The following UBAP2 variants were observed in gnomAD, a reference collection of about 807,000 sequenced individuals.
The protein encoded by UBAP2 is ubiquitin associated protein 2.
A neutral mutation model predicts 139.6 loss-of-function variants in UBAP2; 75 were observed. That is an observed-to-expected ratio of 0.54 (90% CI 0.45 to 0.65). The LOEUF is 0.65. Among genes scored for constraint, UBAP2 ranks in the 30% least tolerant of loss-of-function variants. UBAP2 has a pLI of 0.00. For missense variants in UBAP2, 1,368 were observed against 1,369.6 expected (o/e 1.00, Z 0.02); for synonymous variants, 526 against 526.2 (o/e 1.00, Z 0.01).
chr9:33,958,197 A>T (rs981022266), intron 10 of UBAP2, among the ~76,000 whole-genome samples: 2 of 152,062 alleles, frequency 1.3e-5, no homozygotes, highest in African/African-American at 2.4e-5. Flanking sequence ...CTTGGGCTCA[A>T]GCGATCCTCC....
At chr9:33,960,935 T>G in intron 9 of UBAP2, 57 bp from the exon 10 acceptor site, 1 of 1,532,402 alleles carries the variant, frequency 6.5e-7, no homozygotes, top group South Asian at 1.1e-5. Context: ...ACAGTCTCAG[T>G]CCAAATGATT....
In UBAP2 at chr9:33,954,267, T is replaced by C. The variant is rs1025112835; in HGVS notation, c.867-793A>G. ...CCCATAATACATTTAAGTGTGTGTA[T>C]ATACACACACACACACACACACACA... On this transcript the variant is annotated intron_variant, in intron 11 of 28. Coordinates refer to ENST00000379238, the MANE Select transcript of UBAP2 (RefSeq NM_001370062.2). 1.1e-3 allele frequency among the ~76,000 whole-genome samples: 108 copies of C among 101,678 alleles called. 2 individuals carry two copies. The highest frequency in any genetic ancestry group is 8.5e-3 in the East Asian group (38 of 4,480). 66.7% of individuals were successfully genotyped at this position (101,678 alleles called of 152,430 possible).
chr9:33,937,358 G>A (rs911664519), intron 16 of UBAP2, among the ~76,000 whole-genome samples: 24 of 152,056 alleles, frequency 1.6e-4, no homozygotes, highest in Non-Finnish European at 3.1e-4. Context: ...CGTAGTCCCA[G>A]CACTATGGGA....
At chr9:33,983,924 T>G (rs1490795265) in intron 6 of UBAP2, among the ~76,000 whole-genome samples, 1 of 150,950 alleles carries the variant, frequency 6.6e-6, no homozygotes, top group Non-Finnish European at 1.5e-5. Context: ...TGGGATTTTT[T>G]TATTTGAGAC....
intron 1 of UBAP2, among the ~76,000 whole-genome samples, chr9:34,022,214 C>A (rs1044729004): frequency 4.0e-5 from 6 of 151,862 alleles, no homozygotes; most frequent in African/African-American, 7.3e-5. Flanking sequence ...CACTGCACTC[C>A]AACCTGGGCA....
At position 33,965,179 on chromosome 9, in the gene UBAP2, CA is replaced by C. The variant is rs1827351717; in HGVS notation, c.680-1389del. Among the ~76,000 whole-genome samples, 5 of 152,170 alleles carry C rather than the reference CA, an allele frequency of 3.3e-5. No individual in the cohort carries two copies. In the South Asian group the frequency reaches 1.0e-3, roughly 32 times the overall value. ...AAAATTTACCATTTCTGACCCTCTCCAAGTGTACAATTTAGTGGCACAGAGT... is the reference window on the plus strand; with the variant it reads ...AAAATTTACCATTTCTGACCCTCTCCAGTGTACAATTTAGTGGCACAGAGT... On this transcript the variant is annotated intron_variant, in intron 8 of 28. Coordinates refer to ENST00000379238, the MANE Select transcript of UBAP2 (RefSeq NM_001370062.2).
chr9:33,956,620 C>T (rs990446973), intron 10 of UBAP2, among the ~76,000 whole-genome samples: 11 of 151,952 alleles, frequency 7.2e-5, no homozygotes, highest in African/African-American at 1.2e-4. Context: ...TAAGCCATGG[C>T]GCCCGGCTGC....
At chr9:34,034,886 A>T (rs1826195236) in intron 1 of UBAP2, among the ~76,000 whole-genome samples, 1 of 33,128 alleles carries the variant, frequency 3.0e-5, no homozygotes, top group Non-Finnish European at 6.6e-5. Context: ...AAACAAACAA[A>T]CAAAAAAAAA....
intron 16 of UBAP2, among the ~76,000 whole-genome samples, chr9:33,936,298 T>A (rs1824508672): frequency 6.6e-6 from 1 of 152,080 alleles, no homozygotes; most frequent in Non-Finnish European, 1.5e-5. Context: ...AATTTTTTTT[T>A]AAAGGTAACT....
In UBAP2 at chr9:33,922,595, C is replaced by A; in HGVS notation, c.3269G>T (p.Gly1090Val). 6.2e-7 allele frequency: 1 copy of A among 1,613,122 alleles called. No individual in the cohort carries two copies. Residue 1090 changes from glycine (G) to valine (V), a missense_variant, in exon 29 of 29, where the codon GGC (glycine) becomes GTC (valine). By Grantham distance (109) the Gly-to-Val change is moderately radical. Transcript: ENST00000379238. Reference sequence around the variant, plus strand: ...GCTGGGCTGGCTGCGCTGACCCGAGCCACTCTGAGGAAGAGGAGAAGGGAA... The same window carrying A: ...GCTGGGCTGGCTGCGCTGACCCGAGACACTCTGAGGAAGAGGAGAAGGGAA... The part of the protein sequence containing the change: ...HHHLPQDAQS[G>V]SGQRSQPSSL...
At position 34,019,938 on chromosome 9, in the gene UBAP2, G is replaced by C. The variant is rs200920721; in HGVS notation, c.-41-2749C>G. On this transcript the variant is annotated intron_variant, in intron 1 of 28. Transcript: ENST00000379238. ...ACACTTTGGGAGGCTGAGGCAGGCA[G>C]ATCACGAGGTCAGGAGTTCGAGACC... is the stretch of plus-strand genomic sequence containing the variant. 1.7e-4 allele frequency among the ~76,000 whole-genome samples: 26 copies of C among 151,978 alleles called. No homozygotes were observed. The East Asian group carries it at 4.7e-3, about 27-fold the overall frequency.
chr9:34,035,229 G>A (rs1366398577), intron 1 of UBAP2, among the ~76,000 whole-genome samples: 6 of 151,392 alleles, frequency 4.0e-5, no homozygotes, highest in African/African-American at 1.2e-4. Context: ...ACGGCTAGGC[G>A]CGGTGGCTCA....
chr9:34,046,364 T>G (rs576475046), intron 1 of UBAP2, among the ~76,000 whole-genome samples: 2 of 151,144 alleles, frequency 1.3e-5, no homozygotes, highest in Non-Finnish European at 2.9e-5. Context: ...AAGTAAAGGC[T>G]TCATGCCGGG....
Position 34,000,215 on chromosome 9 carries a change from A to G in UBAP2, c.100-1351T>C, listed in dbSNP as rs543663662. ...CTGCAGCCTCCAACTCCTGAGTTCA[A>G]GAGATCCTGCCGCCTCAGCCTCCCA... On this transcript the variant is annotated intron_variant, in intron 2 of 28. Coordinates refer to ENST00000379238, the MANE Select transcript of UBAP2 (RefSeq NM_001370062.2). Among the ~76,000 whole-genome samples the G allele has an allele frequency of 4.4e-4, 67 of 152,256 alleles. 1 individual carries two copies. The highest frequency in any genetic ancestry group is 1.5e-3 in the African/African-American group (61 of 41,560).
At chr9:33,975,304 C>T (rs928063591) in intron 6 of UBAP2, among the ~76,000 whole-genome samples, 1 of 151,162 alleles carries the variant, frequency 6.6e-6, no homozygotes, top group Non-Finnish European at 1.5e-5. Context: ...TGGTGGCGCG[C>T]GCCAGTAGTC....
At chr9:34,027,861 CAAA>C (rs57271542) in intron 1 of UBAP2, among the ~76,000 whole-genome samples, 14 of 129,724 alleles carry the variant, frequency 1.1e-4, no homozygotes, top group Admixed American at 1.6e-4. Context: ...GACTCCATCT[CAAA>C]AAAAAAAAAA....
chr9:34,034,356 T>G (rs1198289356), intron 1 of UBAP2, among the ~76,000 whole-genome samples: 1 of 152,192 alleles, frequency 6.6e-6, no homozygotes, highest in Non-Finnish European at 1.5e-5. Flanking sequence ...TTGCTTTTAT[T>G]TTACTGACAT....
At chr9:34,031,829 CTATG>C (rs1244657359) in intron 1 of UBAP2, among the ~76,000 whole-genome samples, 1 of 151,786 alleles carries the variant, frequency 6.6e-6, no homozygotes, top group Non-Finnish European at 1.5e-5. Context: ...GATCTATTTC[CTATG>C]TATTAACAAA....
chr9:34,006,590 T>C (rs898170847), intron 2 of UBAP2, among the ~76,000 whole-genome samples: 1 of 151,930 alleles, frequency 6.6e-6, no homozygotes, highest in Non-Finnish European at 1.5e-5. Flanking sequence ...GTAGGAGGAT[T>C]ATCTGAGTCC....
Sources: gnomAD v4.1 joint callset for allele counts (sites outside exome capture counted in the v4.1 genomes callset) on GRCh38, gnomAD v4.1.1 for gene constraint, MANE v1.5 for transcripts, NCBI Gene and HGNC (gene_info 2026-07-23, HGNC 2026-07-21) for gene names.